PHKA1: variants seen among roughly 807,000 people sequenced by gnomAD.
PHKA1 encodes phosphorylase b kinase regulatory subunit alpha, skeletal muscle isoform.
A neutral mutation model predicts 110.2 loss-of-function variants in PHKA1; 60 were observed. That is an observed-to-expected ratio of 0.54 (90% CI 0.44 to 0.68). The LOEUF (loss-of-function observed/expected upper bound fraction) is 0.68, where lower values mean the gene tolerates loss of function less well. Among genes scored for constraint, PHKA1 ranks in the 30% least tolerant of loss-of-function variants. The pLI is 0.00. For synonymous variants in PHKA1, 316 were observed against 333.6 expected, an observed-to-expected ratio of 0.95 and a Z score of 0.58; for missense variants, 801 against 942.5, an observed-to-expected ratio of 0.85 and a Z score of 1.97.
chrX:72,578,892 T>C lies in PHKA1; in HGVS notation c.*2110A>G, dbSNP rs1380630404. ...TATTCTATTTTCAAAACATAAGTGC[T>C]TTTTTAAAAAAAGTCTAACATGTCT... is the stretch of plus-strand genomic sequence containing the variant. On this transcript the variant is annotated 3_prime_UTR_variant, in exon 32 of 32. Coordinates refer to ENST00000373542, the MANE Select transcript of PHKA1 (RefSeq NM_002637.4). The C allele has an allele frequency of 2.7e-5, 3 of 112,032 alleles. No homozygotes were observed. In the Admixed American group the frequency reaches 2.8e-4, roughly 11 times the overall value. The allele number at this position is 112,032 out of a possible 1,213,427, so 9.2% of individuals were successfully genotyped here.
rs1401482070 is a variant in PHKA1 at position 72,669,984 on chromosome X, T to G, written c.619-2511A>C. Reference sequence around the variant, plus strand: ...GACTTCCACAATGGTTGAACTAGTTTACAGTCCCACCAACAGTGTAAAAGT... The same window carrying G: ...GACTTCCACAATGGTTGAACTAGTTGACAGTCCCACCAACAGTGTAAAAGT... On this transcript the variant is annotated intron_variant, in intron 6 of 31. Transcript: ENST00000373542. 9.9e-5 allele frequency among the ~76,000 whole-genome samples: 11 copies of G among 111,191 alleles called. No individual in the cohort carries two copies. The South Asian group carries it at 3.9e-3, about 39-fold the overall frequency.
chrX:72,619,101 C>A, intron 20 of PHKA1, 113 bp downstream of exon 20: 1 of 567,751 alleles, frequency 1.8e-6, no homozygotes, highest in Non-Finnish European at 3.1e-6. Context: ...ACCAGAATAG[C>A]ATTTTGCGTA....
chrX:72,710,643 CT>C (rs2054358414), intron 2 of PHKA1, among the ~76,000 whole-genome samples: 1 of 111,183 alleles, frequency 9.0e-6, no homozygotes, highest in Non-Finnish European at 1.9e-5. Flanking sequence ...AAAATCTTTT[CT>C]TTTTGAAAGA....
intron 8 of PHKA1, among the ~76,000 whole-genome samples, chrX:72,664,904 G>A (rs1254293947): frequency 3.6e-5 from 4 of 110,588 alleles, no homozygotes; most frequent in Non-Finnish European, 7.6e-5. Context: ...AAAACCTGTG[G>A]GATACAGCAA....
At chrX:72,658,985 T>A (rs1341671225) in intron 8 of PHKA1, among the ~76,000 whole-genome samples, 1 of 112,381 alleles carries the variant, frequency 8.9e-6, no homozygotes, top group African/African-American at 3.2e-5. Context: ...GGTTTTAGCA[T>A]CCATCAGTAG....
intron 9 of PHKA1, among the ~76,000 whole-genome samples, chrX:72,656,839 T>C (rs1452629380): frequency 1.8e-5 from 2 of 111,858 alleles, no homozygotes; most frequent in Admixed American, 9.5e-5. Flanking sequence ...AAAAGGCTAT[T>C]GGATTGGTCA....
rs868976572 is a variant in PHKA1 at position 72,713,915 on chromosome X, C to A, written c.-35G>T. The A allele has an allele frequency of 2.8e-6, 3 of 1,066,960 alleles. No homozygotes were observed. Among genetic ancestry groups the A allele is most frequent in the African/African-American group, 1.8e-5 (1 of 54,777 alleles). 87.9% of individuals were successfully genotyped at this position (1,066,960 alleles called of 1,213,427 possible). On this transcript the variant is annotated 5_prime_UTR_variant, in exon 1 of 32. Coordinates refer to ENST00000373542, the MANE Select transcript of PHKA1 (RefSeq NM_002637.4). ...TTACTAATTGTCCTCTGAGAAATAG[C>A]CCGGGTGCCACCGGAGCCTTCGGTC...
chrX:72,660,895 T>C (rs1170594131), intron 8 of PHKA1, among the ~76,000 whole-genome samples: 5 of 112,278 alleles, frequency 4.5e-5, no homozygotes, highest in Admixed American at 3.8e-4. Context: ...TACATACGAT[T>C]AATGAATAGT....
At chrX:72,657,909 T>C (rs2053515437) in intron 8 of PHKA1, among the ~76,000 whole-genome samples, 1 of 111,948 alleles carries the variant, frequency 8.9e-6, no homozygotes, top group African/African-American at 3.3e-5. Context: ...CAGTATCCTC[T>C]CCATGGCTAT....
intron 23 of PHKA1, among the ~76,000 whole-genome samples, chrX:72,608,337 C>T (rs971008857): frequency 9.0e-6 from 1 of 111,299 alleles, no homozygotes; most frequent in Admixed American, 9.6e-5. Flanking sequence ...ATTTCCTCTC[C>T]TCTCCTCAGT....
intron 23 of PHKA1, among the ~76,000 whole-genome samples, chrX:72,609,280 T>C (rs2052772401): frequency 8.9e-6 from 1 of 112,207 alleles, no homozygotes; most frequent in Middle Eastern, 4.2e-3. Context: ...ATGAGCAGCA[T>C]GGAGTTTCAT....
intron 18 of PHKA1, chrX:72,622,525 T>G (rs781785370): frequency 4.0e-6 from 3 of 752,191 alleles, no homozygotes; most frequent in Middle Eastern, 7.4e-4. Flanking sequence ...TCAGTCACTT[T>G]CAATGCATGC....
chrX:72,667,764 A>G (rs1331506698), intron 6 of PHKA1, among the ~76,000 whole-genome samples: 1 of 111,450 alleles, frequency 9.0e-6, no homozygotes, highest in East Asian at 2.8e-4. Context: ...CCACATATAA[A>G]TGAGATATTA....
At chrX:72,663,594 TCAAAGA>T (rs2053585229) in intron 8 of PHKA1, among the ~76,000 whole-genome samples, 1 of 110,189 alleles carries the variant, frequency 9.1e-6, no homozygotes, top group African/African-American at 3.3e-5. Flanking sequence ...ATGTCAAAAG[TCAAAGA>T]CAAAGAGAAA....
intron 14 of PHKA1, among the ~76,000 whole-genome samples, chrX:72,638,023 T>A (rs1556292819): frequency 8.9e-6 from 1 of 111,956 alleles, no homozygotes; most frequent in East Asian, 2.8e-4. Flanking sequence ...TTTCTTAATT[T>A]CCTTGTCAAA....
chrX:72,582,132 G>A (rs782364894), intron 31 of PHKA1, among the ~76,000 whole-genome samples: 3 of 111,431 alleles, frequency 2.7e-5, no homozygotes, highest in Non-Finnish European at 5.6e-5. Flanking sequence ...TATGCTTCAG[G>A]GCCTTTCAGG....
chrX:72,679,449 G>A (rs1029187312), intron 5 of PHKA1, among the ~76,000 whole-genome samples: 5 of 109,176 alleles, frequency 4.6e-5, no homozygotes, highest in Non-Finnish European at 9.5e-5. Flanking sequence ...CCAAGAAGCA[G>A]GAAAATATAG....
chrX:72,643,330 T>C (rs1556296264), intron 14 of PHKA1, among the ~76,000 whole-genome samples: 8 of 111,575 alleles, frequency 7.2e-5, no homozygotes, highest in Non-Finnish European at 1.5e-4. Context: ...CTACCTAAGA[T>C]CCAATCTTTT....
intron 16 of PHKA1, among the ~76,000 whole-genome samples, chrX:72,628,166 T>C (rs782793748): frequency 3.6e-5 from 4 of 110,832 alleles, no homozygotes; most frequent in Non-Finnish European, 7.5e-5. Context: ...AATAATCTTT[T>C]AAATTTTTCT....
Sources: allele counts gnomAD v4.1 joint callset (sites outside exome capture counted in the v4.1 genomes callset), GRCh38; gene constraint gnomAD v4.1.1; transcripts MANE v1.5; gene names NCBI Gene and HGNC (gene_info 2026-07-23, HGNC 2026-07-21).